NTRK1: variants seen among roughly 807,000 people sequenced by gnomAD.
NTRK1 encodes high affinity nerve growth factor receptor.
NTRK1 carries 62 observed loss-of-function variants against 86.8 expected under a neutral mutation model. The observed-to-expected ratio is 0.71, with a 90% confidence interval of 0.58 to 0.88. The LOEUF is 0.88. NTRK1 is among the 40% of genes least tolerant of loss of function. The pLI, the probability that NTRK1 is intolerant of heterozygous loss-of-function variation, is 0.00. For missense variants in NTRK1, 967 were observed against 1,078.4 expected, an observed-to-expected ratio of 0.90 and a Z score of 1.45; for synonymous variants, 469 against 456.6, an observed-to-expected ratio of 1.03 and a Z score of -0.35.
At chr1:156,849,925 T>C (rs1450467297) in intron 2 of NTRK1, among the ~76,000 whole-genome samples, 1 of 151,798 alleles carries the variant, frequency 6.6e-6, no homozygotes, top group African/African-American at 2.4e-5. Flanking sequence ...ACTTTTTTTT[T>C]TTTTCCTCAC....
chr1:156,878,462 A>G (rs1648050852), intron 14 of NTRK1, among the ~76,000 whole-genome samples: 1 of 152,212 alleles, frequency 6.6e-6, no homozygotes, highest in Non-Finnish European at 1.5e-5. Flanking sequence ...GCACACTGGA[A>G]ATGTTTAACA....
In NTRK1 at chr1:156,854,685, A is replaced by C. The variant is rs1655347456; in HGVS notation, c.51-9669A>C. ...GTACGTCCTGTGGGTTTATCTTTAA[A>C]ATATGTCCAGGATCTGAACTGCTTG... is the stretch of plus-strand genomic sequence containing the variant. On this transcript the variant is annotated intron_variant, in intron 2 of 16. Coordinates refer to the NTRK1 transcript ENST00000392302. The surrounding 1 kb of genome is among the most constrained non-coding windows in gnomAD (Gnocchi z 4.2). Among the ~76,000 whole-genome samples the C allele has an allele frequency of 1.3e-5, 2 of 152,114 alleles. No homozygotes were observed. Among genetic ancestry groups the C allele is most frequent in the Admixed American group, 6.5e-5 (1 of 15,278 alleles).
At chr1:156,839,557 C>T (rs1344126171) in intron 1 of NTRK1, among the ~76,000 whole-genome samples, 1 of 152,226 alleles carries the variant, frequency 6.6e-6, no homozygotes, top group East Asian at 1.9e-4. Context: ...CACTGAGATT[C>T]TGGCCTCCCA....
rs1402027172 is a variant in NTRK1 at position 156,860,995 on chromosome 1, A to G, written c.61A>G (p.Ser21Gly). Residue 21 changes from serine to glycine, a missense_variant, in exon 1 of 17, where the codon AGC (serine) becomes GGC (glycine). Physicochemically the swap from Ser to Gly is moderately conservative, Grantham distance 56 (BLOSUM62 0). Coordinates refer to ENST00000524377, the MANE Select transcript of NTRK1 (RefSeq NM_002529.4). ...GCACAGCTGGGCTGCGGGGCCGGGC[A>G]GCCTGCTGGCTTGGCTGATACTGGC... The part of the protein sequence containing the change: ...GWHSWAAGPG[S>G]LLAWLILASA... 6.5e-7 allele frequency: 1 copy of G among 1,530,184 alleles called. No homozygotes were observed. The highest frequency in any genetic ancestry group is 8.7e-7 in the Non-Finnish European group (1 of 1,145,178). 94.8% of individuals were successfully genotyped at this position (1,530,184 alleles called of 1,614,324 possible). A position where few individuals can be genotyped will look rare whatever the true frequency, so the allele number is the denominator to read the frequency against.
At chr1:156,849,499 G>T in intron 2 of NTRK1, 1 of 1,329,894 alleles carries the variant, frequency 7.5e-7, no homozygotes, top group Admixed American at 1.7e-5. Context: ...CGGGGAGGTG[G>T]GGGCAGGGGG....
In NTRK1 at chr1:156,846,906, A is replaced by AG. The variant is rs530066621; in HGVS notation, c.50+4720dup. 3.4e-4 allele frequency: 221 copies of AG among 657,068 alleles called. 1 individual carries two copies. The highest frequency in any genetic ancestry group is 4.3e-4 in the Non-Finnish European group (160 of 371,006). 40.7% of individuals were successfully genotyped at this position (657,068 alleles called of 1,614,324 possible). On this transcript the variant is annotated intron_variant, in intron 2 of 16. Transcript: ENST00000392302. Reference sequence around the variant, plus strand: ...TCCAGCCACCTGTTAGACCTTGGCAAGGGGGGGCGGAGGAGGGGAGGGACT... The same window carrying AG: ...TCCAGCCACCTGTTAGACCTTGGCAAGGGGGGGGCGGAGGAGGGGAGGGACT...
intron 1 of NTRK1, among the ~76,000 whole-genome samples, chr1:156,862,813 G>A (rs2102882378): frequency 6.6e-6 from 1 of 152,228 alleles, no homozygotes; most frequent in African/African-American, 2.4e-5. Context: ...CTGGGCAGGG[G>A]CTGGGGGGTG....
chr1:156,855,860 C>T (rs1259215629), upstream of NTRK1, among the ~76,000 whole-genome samples: 1 of 151,970 alleles, frequency 6.6e-6, no homozygotes, highest in African/African-American at 2.4e-5. Flanking sequence ...AATTGTGACA[C>T]TTTCTACTCC....
intron 1 of NTRK1, among the ~76,000 whole-genome samples, chr1:156,828,175 T>C (rs1654374075): frequency 6.6e-6 from 1 of 152,170 alleles, no homozygotes; most frequent in African/African-American, 2.4e-5. Flanking sequence ...ATTACTGATA[T>C]TGATAAATTA....
At chr1:156,844,014 C>A (rs1411276436) in intron 2 of NTRK1, among the ~76,000 whole-genome samples, 9 of 152,000 alleles carry the variant, frequency 5.9e-5, no homozygotes, top group African/African-American at 2.2e-4. Context: ...AGTTGGTCAC[C>A]CTAACTGAGA....
At chr1:156,855,249 G>A (rs1460318510) in intron 2 of NTRK1, among the ~76,000 whole-genome samples, 1 of 148,240 alleles carries the variant, frequency 6.7e-6, no homozygotes, top group African/African-American at 2.5e-5. Flanking sequence ...TGTCGCCCAG[G>A]CTAGAGTGCA....
At chr1:156,826,709 A>T (rs1302210996) in intron 1 of NTRK1, among the ~76,000 whole-genome samples, 1 of 152,226 alleles carries the variant, frequency 6.6e-6, no homozygotes, top group East Asian at 1.9e-4. Context: ...CCTTGCAGGA[A>T]TGTATGCTTT....
At chr1:156,828,301 G>A (rs1030245418) in intron 1 of NTRK1, among the ~76,000 whole-genome samples, 4 of 152,098 alleles carry the variant, frequency 2.6e-5, no homozygotes, top group Admixed American at 6.5e-5. Flanking sequence ...TTCTTCATTT[G>A]TTTCCACTCT....
chr1:156,857,944 T>G (rs1429488762), upstream of NTRK1, among the ~76,000 whole-genome samples: 3 of 152,154 alleles, frequency 2.0e-5, no homozygotes, highest in African/African-American at 7.2e-5. Flanking sequence ...TAAAACGTAC[T>G]GATGGGCAGT....
At position 156,819,766 on chromosome 1, in the gene NTRK1, G is replaced by A. The variant is rs150861304; in HGVS notation, c.-64+3928G>A. ...ACTCCTGACCTCAGGTGATCCACCC[G>A]CTTTGACCTCCCAAATTGCTGGGAT... On this transcript the variant is annotated intron_variant, in intron 1 of 16. Transcript: ENST00000392302. Among the ~76,000 whole-genome samples, 7 of 152,154 alleles carry A rather than the reference G, an allele frequency of 4.6e-5. No homozygotes were observed. In the East Asian group the frequency reaches 1.4e-3, roughly 29 times the overall value.
chr1:156,874,744 A>G (rs2102911033), intron 10 of NTRK1, 118 bp downstream of exon 10: 2 of 1,266,440 alleles, frequency 1.6e-6, no homozygotes, highest in Non-Finnish European at 2.3e-6. Context: ...CTGAGCTCTG[A>G]CGGCCACCCG....
At chr1:156,825,140 C>T (rs1362248933) in intron 1 of NTRK1, among the ~76,000 whole-genome samples, 2 of 152,218 alleles carry the variant, frequency 1.3e-5, no homozygotes, top group Non-Finnish European at 2.9e-5. Context: ...CCGCCCGCCT[C>T]AGCCTCCCAA....
In NTRK1 at chr1:156,844,153, G is replaced by T. The variant is rs374247650; in HGVS notation, c.50+1960G>T. On this transcript the variant is annotated intron_variant, in intron 2 of 16. Coordinates refer to the NTRK1 transcript ENST00000392302. Reference sequence around the variant, plus strand: ...GGGCTCAGGGAGAAAAGGGGGTGGGGACCGGTGGGACTTATCATCACCTCT... The same window carrying T: ...GGGCTCAGGGAGAAAAGGGGGTGGGTACCGGTGGGACTTATCATCACCTCT... 1.7e-5 allele frequency: 26 copies of T among 1,559,128 alleles called. No individual in the cohort carries two copies. The Admixed American group carries it at 2.2e-4, about 13-fold the overall frequency.
intron 1 of NTRK1, chr1:156,815,978 C>T (rs759998500): frequency 3.0e-5 from 49 of 1,610,944 alleles, no homozygotes; most frequent in Non-Finnish European, 3.8e-5. Context: ...GGAGCTGCAC[C>T]ACGCTGCCGC....
Sources: gnomAD v4.1 joint callset for allele counts (sites outside exome capture counted in the v4.1 genomes callset) on GRCh38, gnomAD v4.1.1 for gene constraint, Gnocchi (gnomAD v3.1) non-coding constraint, MANE v1.5 for transcripts, NCBI Gene and HGNC (gene_info 2026-07-23, HGNC 2026-07-21) for gene names.